The following RNF19A variants were observed in gnomAD, a reference collection of about 807,000 sequenced individuals.
The protein encoded by RNF19A is E3 ubiquitin-protein ligase RNF19A.
In RNF19A, 32 loss-of-function variants were observed where a neutral mutation model predicts 75.7. The observed-to-expected ratio is 0.42, with a 90% CI of 0.32 to 0.57. RNF19A has a LOEUF of 0.57. Ranked by LOEUF, RNF19A falls within the 20% of genes least tolerant of loss-of-function variation. The pLI is 0.10. For missense variants in RNF19A, 782 were observed against 1,036.3 expected, an observed-to-expected ratio of 0.75 and a Z score of 3.37; for synonymous variants, 335 against 345.2, an observed-to-expected ratio of 0.97 and a Z score of 0.33.
Position 100,324,503 on chromosome 8 carries a change from T to A in RNF19A, c.-242-11131A>T, listed in dbSNP as rs1261519757. Among the ~76,000 whole-genome samples, 1 of 152,200 alleles carries A rather than the reference T, an allele frequency of 6.6e-6. No homozygotes were observed. The highest frequency in any genetic ancestry group is 1.5e-5 in the Non-Finnish European group (1 of 68,024). ...CCTTGAAATACTACATTTTAAAGGCTAAGGAAATCTGGAGGAGAGTGGAAG... is the reference window on the plus strand; with the variant it reads ...CCTTGAAATACTACATTTTAAAGGCAAAGGAAATCTGGAGGAGAGTGGAAG... On this transcript the variant is annotated intron_variant, in intron 1 of 3. Transcript: ENST00000519527. This position sits in a 1 kb window ranked among gnomAD's most constrained non-coding sequence, Gnocchi z 4.2.
intron 1 of RNF19A, among the ~76,000 whole-genome samples, chr8:100,335,011 C>T (rs1390310462): frequency 6.6e-6 from 1 of 152,142 alleles, no homozygotes; most frequent in African/African-American, 2.4e-5. Flanking sequence ...TACAGTTAAG[C>T]AATCTGATTG....
At chr8:100,313,383 A>G, upstream of RNF19A, 1 of 897,194 alleles carries the variant, frequency 1.1e-6, no homozygotes, top group Non-Finnish European at 1.3e-6. Context: ...CTATAAGACA[A>G]GAAGAAGGCA....
upstream of RNF19A, among the ~76,000 whole-genome samples, chr8:100,312,161 G>A (rs1372658104): frequency 2.6e-5 from 4 of 152,098 alleles, no homozygotes; most frequent in African/African-American, 7.2e-5. Context: ...ATTATACCCC[G>A]GAAATATCCC....
At chr8:100,304,853 A>G (rs1197024250) in intron 1 of RNF19A, among the ~76,000 whole-genome samples, 1 of 152,228 alleles carries the variant, frequency 6.6e-6, no homozygotes, top group Non-Finnish European at 1.5e-5. Flanking sequence ...GATCTCTTTT[A>G]TAACAGTCTT....
In RNF19A at chr8:100,259,190, C is replaced by T; in HGVS notation, c.1883G>A (p.Arg628Lys). The T allele has an allele frequency of 1.2e-6, 2 of 1,613,980 alleles. No individual in the cohort carries two copies. Among genetic ancestry groups the T allele is most frequent in the East Asian group, 2.2e-5 (1 of 44,886 alleles). The change falls in exon 10 of 10, where the codon AGG becomes AAG. Residue 628 changes from arginine (R) to lysine (K), a missense_variant. Transcript: ENST00000341084. This position sits in a 1 kb window ranked among gnomAD's most constrained non-coding sequence, Gnocchi z 4.5. ...CACACTACTGCTTCCACTGTTGTGC[C>T]TGAATTTGGATGGCTTTGACTCAAT... ...VDIESKPSKF[R>K]HNSGSSSVDD... is the part of the protein sequence containing the mutation.
rs1822634831 is a variant in RNF19A, at chr8:100,333,406, T to C, written c.-243+2702A>G. On this transcript the variant is annotated intron_variant, in intron 1 of 3. Coordinates refer to the RNF19A transcript ENST00000519527. This position sits in a 1 kb window ranked among gnomAD's most constrained non-coding sequence, Gnocchi z 4.7. ...CACAGTGCATCTATACCAAGGAAGT[T>C]CACATAGCTACAAAAACAAAGCTTA... 6.6e-6 allele frequency among the ~76,000 whole-genome samples: 1 copy of C among 152,218 alleles called. No individual in the cohort carries two copies.
chr8:100,287,715 A>T lies in RNF19A; in HGVS notation c.460T>A (p.Ser154Thr), dbSNP rs1341147088. Residue 154 changes from serine to threonine, a missense_variant, in exon 2 of 10, where the codon TCT becomes ACT. Physicochemically the swap from Ser to Thr is moderately conservative, Grantham distance 58. Transcript: ENST00000341084. This position sits in a 1 kb window ranked among gnomAD's most constrained non-coding sequence, Gnocchi z 4.1. ...FPDIMTCHHR[S>T]CVDCLRQYLR... ...TATTGTCGTAAGCAATCCACACAAG[A>T]TCTGTGATGACAAGTCATTATATCA... 6.2e-7 allele frequency: 1 copy of T among 1,614,074 alleles called. No individual in the cohort carries two copies. Among genetic ancestry groups the T allele is most frequent in the Admixed American group, 1.7e-5 (1 of 60,018 alleles).
At chr8:100,267,037 A>G (rs890313886) in intron 5 of RNF19A, among the ~76,000 whole-genome samples, 2 of 152,232 alleles carry the variant, frequency 1.3e-5, no homozygotes, top group African/African-American at 4.8e-5. Context: ...GAAATAAAGG[A>G]AACAAAAGGA....
intron 3 of RNF19A, among the ~76,000 whole-genome samples, chr8:100,274,282 A>C (rs967417524): frequency 1.5e-4 from 23 of 152,242 alleles, no homozygotes; most frequent in African/African-American, 5.3e-4. Flanking sequence ...TGAACTACCC[A>C]ATGGCTACTG....
rs373959438 is a variant in RNF19A at position 100,272,215 on chromosome 8, T to G, written c.884-2202A>C. Among the ~76,000 whole-genome samples the G allele has an allele frequency of 1.2e-4, 18 of 152,176 alleles. No individual in the cohort carries two copies. The East Asian group carries it at 1.9e-3, about 16-fold the overall frequency. ...AAATTTAACTCCAAGTGCCTAAACC[T>G]CCTAGTAGCTATAAAAAAGAGCCTC... On this transcript the variant is annotated intron_variant, in intron 3 of 9. Coordinates refer to ENST00000341084, the MANE Select transcript of RNF19A (RefSeq NM_183419.4).
At chr8:100,266,773 C>CAA (rs1375548051) in intron 5 of RNF19A, among the ~76,000 whole-genome samples, 3 of 152,032 alleles carry the variant, frequency 2.0e-5, no homozygotes, top group African/African-American at 7.3e-5. Context: ...TCACCCTCCC[C>CAA]AAGTGTTAGG....
At chr8:100,282,962 A>G (rs1252940741) in intron 2 of RNF19A, among the ~76,000 whole-genome samples, 5 of 152,206 alleles carry the variant, frequency 3.3e-5, no homozygotes, top group Non-Finnish European at 7.3e-5. Context: ...TGATCACATT[A>G]CCCAAATGTA....
Position 100,261,006 on chromosome 8 carries a change from G to C in RNF19A, c.1682+536C>G, listed in dbSNP as rs1467509399. 6.6e-6 allele frequency among the ~76,000 whole-genome samples: 1 copy of C among 152,190 alleles called. No individual in the cohort carries two copies. Among genetic ancestry groups the C allele is most frequent in the African/African-American group, 2.4e-5 (1 of 41,446 alleles). On this transcript the variant is annotated intron_variant, in intron 8 of 9. Coordinates refer to ENST00000341084, the MANE Select transcript of RNF19A (RefSeq NM_183419.4). The surrounding 1 kb of genome is among the most constrained non-coding windows in gnomAD (Gnocchi z 4.4). ...CTTTGCTTCAATGTCTACTGAAGCA[G>C]CTGTAGCAACGATTTATAATATAAA... is the stretch of plus-strand genomic sequence containing the variant.
At chr8:100,298,339 T>A (rs189167646) in intron 1 of RNF19A, among the ~76,000 whole-genome samples, 1 of 152,186 alleles carries the variant, frequency 6.6e-6, no homozygotes, top group South Asian at 2.1e-4. Flanking sequence ...AGGTAAATTA[T>A]ATAAATAATG....
chr8:100,320,621 T>C lies in RNF19A; in HGVS notation c.-242-7249A>G, dbSNP rs144485142. 3.2e-4 allele frequency among the ~76,000 whole-genome samples: 49 copies of C among 152,344 alleles called. No individual in the cohort carries two copies. The East Asian group carries it at 9.2e-3, about 29-fold the overall frequency. On this transcript the variant is annotated intron_variant, in intron 1 of 3. Transcript: ENST00000519527. ...AAAATGACTATATCAGGGTGATGAA[T>C]GCCCATACATCAAGGTCCTTTAGGC...
At position 100,331,491 on chromosome 8, in the gene RNF19A, G is replaced by C. The variant is rs1822609499; in HGVS notation, c.-243+4617C>G. On this transcript the variant is annotated intron_variant, in intron 1 of 3. Transcript: ENST00000519527. This position sits in a 1 kb window ranked among gnomAD's most constrained non-coding sequence, Gnocchi z 5.2. The stretch of plus-strand genomic sequence containing the variant: ...TCTCTACAAAATATTTTAAAAAGTA[G>C]CTGGGCATGGTGGCATGCACCAGCA... Among the ~76,000 whole-genome samples, 1 of 152,024 alleles carries C rather than the reference G, an allele frequency of 6.6e-6. No homozygotes were observed. The highest frequency in any genetic ancestry group is 6.6e-5 in the Admixed American group (1 of 15,246).
At chr8:100,335,051 A>G (rs1297403293) in intron 1 of RNF19A, among the ~76,000 whole-genome samples, 1 of 152,238 alleles carries the variant, frequency 6.6e-6, no homozygotes, top group Non-Finnish European at 1.5e-5. Flanking sequence ...GAAATGCAAT[A>G]CACAATTTTT....
At position 100,258,443 on chromosome 8, in the gene RNF19A, A is replaced by G; in HGVS notation, c.*113T>C. 1 of 805,314 alleles carries G rather than the reference A, an allele frequency of 1.2e-6. No individual in the cohort carries two copies. The highest frequency in any genetic ancestry group is 2.0e-6 in the Non-Finnish European group (1 of 500,238). 49.9% of individuals were successfully genotyped at this position (805,314 alleles called of 1,614,324 possible). ...TGAACACAGAAAATGTATCTGCATT[A>G]TGATAATGAAACCCGGCTTTTGCTG... On this transcript the variant is annotated 3_prime_UTR_variant, in exon 10 of 10. Transcript: ENST00000341084. The surrounding 1 kb of genome is among the most constrained non-coding windows in gnomAD (Gnocchi z 4.3).
chr8:100,321,481 A>G (rs961456114), intron 1 of RNF19A, among the ~76,000 whole-genome samples: 2 of 152,192 alleles, frequency 1.3e-5, no homozygotes, highest in Non-Finnish European at 2.9e-5. Flanking sequence ...TTTCTACCAC[A>G]TCTGTGGTTC....
Sources: gnomAD v4.1 joint callset for allele counts (sites outside exome capture counted in the v4.1 genomes callset) on GRCh38, gnomAD v4.1.1 for gene constraint, Gnocchi (gnomAD v3.1) non-coding constraint, MANE v1.5 for transcripts, NCBI Gene and HGNC (gene_info 2026-07-23, HGNC 2026-07-21) for gene names.